The following VWA3B variants were observed in gnomAD, a reference collection of about 807,000 sequenced individuals.
The protein encoded by VWA3B is von Willebrand factor A domain containing 3B.
In VWA3B, 138 loss-of-function variants were observed where a neutral mutation model predicts 158.3. The ratio of observed to expected loss-of-function variants is 0.87; its 90% CI spans 0.76 to 1.00. VWA3B has a LOEUF of 1.00. VWA3B is among the 50% of genes least tolerant of loss of function. The pLI is 0.00. For synonymous variants in VWA3B, 596 were observed against 587.3 expected (o/e 1.01, Z -0.21); for missense variants, 1,555 against 1,565.1 (o/e 0.99, Z 0.11).
intron 1 of VWA3B, 77 bp from the exon 2 acceptor site, chr2:98,092,984 A>T (rs1337591465): frequency 2.0e-6 from 2 of 997,624 alleles, no homozygotes; most frequent in African/African-American, 3.3e-5. Context: ...ACTATAATTT[A>T]TGTTAAGCCA....
chr2:98,183,189 CTT>C (rs1244544813), intron 9 of VWA3B, among the ~76,000 whole-genome samples: 10,599 of 124,406 alleles, frequency 0.085, 502 homozygotes, highest in East Asian at 0.2. Context: ...GTACAGCTCC[CTT>C]TTTTTTTTTT....
chr2:98,237,641 A>G (rs1232051824), intron 19 of VWA3B, among the ~76,000 whole-genome samples: 2 of 152,244 alleles, frequency 1.3e-5, no homozygotes, highest in African/African-American at 4.8e-5. Flanking sequence ...GAACGGCATT[A>G]CTGCAGTGGG....
At chr2:98,136,563 G>A (rs1028737094) in intron 7 of VWA3B, among the ~76,000 whole-genome samples, 21 of 151,246 alleles carry the variant, frequency 1.4e-4, no homozygotes, top group Non-Finnish European at 2.7e-4. Flanking sequence ...TGGGAGGGGA[G>A]GAATGCTGCA....
At chr2:98,106,431 T>C (rs574293557) in intron 2 of VWA3B, among the ~76,000 whole-genome samples, 7 of 152,214 alleles carry the variant, frequency 4.6e-5, no homozygotes, top group Non-Finnish European at 8.8e-5. Context: ...ATAATATTGA[T>C]AGGAGTTGCA....
At chr2:98,148,707 A>G (rs971774264) in intron 7 of VWA3B, among the ~76,000 whole-genome samples, 1 of 152,178 alleles carries the variant, frequency 6.6e-6, no homozygotes, top group Non-Finnish European at 1.5e-5. Context: ...ATATGTAACA[A>G]CTGCCTTCAC....
At chr2:98,094,879 C>T (rs1337279249) in intron 2 of VWA3B, among the ~76,000 whole-genome samples, 1 of 152,268 alleles carries the variant, frequency 6.6e-6, no homozygotes, top group African/African-American at 2.4e-5. Flanking sequence ...AAGAGACTGT[C>T]CTTTCCCCAT....
At chr2:98,140,633 G>T (rs1293753204) in intron 7 of VWA3B, among the ~76,000 whole-genome samples, 2 of 152,130 alleles carry the variant, frequency 1.3e-5, no homozygotes, top group African/African-American at 2.4e-5. Context: ...TGCTGGAGAG[G>T]GTAAGGGGCA....
intron 9 of VWA3B, among the ~76,000 whole-genome samples, chr2:98,185,061 T>C (rs1463671944): frequency 6.6e-6 from 1 of 152,166 alleles, no homozygotes; most frequent in Non-Finnish European, 1.5e-5. Flanking sequence ...AGTGACTTCC[T>C]CCCCAACTCC....
intron 2 of VWA3B, among the ~76,000 whole-genome samples, chr2:98,108,853 GAT>G (rs1573781755): frequency 6.6e-6 from 1 of 151,822 alleles, no homozygotes; most frequent in Non-Finnish European, 1.5e-5. Flanking sequence ...CTTGATTATT[GAT>G]ATGTTAGAGC....
chr2:98,169,842 G>A (rs984835882), intron 8 of VWA3B, among the ~76,000 whole-genome samples: 6 of 151,902 alleles, frequency 3.9e-5, no homozygotes, highest in Non-Finnish European at 8.8e-5. Flanking sequence ...GTCCAGGCTG[G>A]GCATGGTGGC....
intron 7 of VWA3B, among the ~76,000 whole-genome samples, chr2:98,147,846 C>T (rs1386575701): frequency 2.0e-5 from 3 of 149,258 alleles, no homozygotes; most frequent in Non-Finnish European, 4.5e-5. Context: ...GCTATCACTC[C>T]CCCCTCCCCC....
At chr2:98,132,015 G>C (rs993661234) in intron 6 of VWA3B, among the ~76,000 whole-genome samples, 3 of 152,106 alleles carry the variant, frequency 2.0e-5, no homozygotes, top group African/African-American at 7.2e-5. Context: ...GTACAGAAGG[G>C]GGCTCCCTCC....
chr2:98,113,226 G>A (rs58831684), intron 2 of VWA3B, among the ~76,000 whole-genome samples: 84 of 151,948 alleles, frequency 5.5e-4, no homozygotes, highest in African/African-American at 1.8e-3. Flanking sequence ...GTTCTATGCT[G>A]GACAATGTGA....
At chr2:98,208,994 T>A (rs1439195255) in intron 12 of VWA3B, among the ~76,000 whole-genome samples, 1 of 152,216 alleles carries the variant, frequency 6.6e-6, no homozygotes, top group Non-Finnish European at 1.5e-5. Context: ...CCCAGATAGA[T>A]GATTCATGGC....
chr2:98,150,603 G>T (rs115928300), intron 7 of VWA3B, among the ~76,000 whole-genome samples: 1 of 152,158 alleles, frequency 6.6e-6, no homozygotes, highest in Non-Finnish European at 1.5e-5. Context: ...CTGTGGCTTG[G>T]TGGTGTCTAA....
chr2:98,225,310 T>C (rs564352016), intron 14 of VWA3B, among the ~76,000 whole-genome samples: 6 of 152,196 alleles, frequency 3.9e-5, no homozygotes, highest in Admixed American at 6.5e-5. Flanking sequence ...CATTAGAAAA[T>C]CTATTAGTAT....
rs145998348 is a variant in VWA3B at position 98,143,703 on chromosome 2, G to A, written c.988+9764G>A. On this transcript the variant is annotated intron_variant, in intron 7 of 27. Coordinates refer to ENST00000477737, the MANE Select transcript of VWA3B (RefSeq NM_144992.5). ...TCACTTATTAGCTGTGTGATTTCAAGGTACTTAGCTTAACTAACTGGAGCT... is the reference window on the plus strand; with the variant it reads ...TCACTTATTAGCTGTGTGATTTCAAAGTACTTAGCTTAACTAACTGGAGCT... Among the ~76,000 whole-genome samples, 687 of 151,482 alleles carry A rather than the reference G, an allele frequency of 4.5e-3. 1 individual carries two copies. Among genetic ancestry groups the A allele is most frequent in the Admixed American group, 9.1e-3 (138 of 15,222 alleles).
In VWA3B at chr2:98,181,070, C is replaced by CT. The variant is rs1558643587; in HGVS notation, c.1170dup (p.Lys391Ter). 3 of 1,614,222 alleles carry CT rather than the reference C, an allele frequency of 1.9e-6. No homozygotes were observed. The highest frequency in any genetic ancestry group is 2.2e-5 in the East Asian group (1 of 44,890). On this transcript the variant is annotated frameshift_variant, in exon 9 of 28. Coordinates refer to ENST00000477737, the MANE Select transcript of VWA3B (RefSeq NM_144992.5). LOFTEE classifies it high-confidence loss of function. ...TCGAATCCAGAAGACACCTGGGACT[C>CT]TAAGACATGGCTGCAGAAATATGGC...
chr2:98,165,564 G>A (rs889506146), intron 8 of VWA3B, among the ~76,000 whole-genome samples: 27 of 152,258 alleles, frequency 1.8e-4, no homozygotes, highest in African/African-American at 5.5e-4. Flanking sequence ...AGGTCAGGCC[G>A]GCTGGGAAAG....
Sources: allele counts gnomAD v4.1 joint callset (sites outside exome capture counted in the v4.1 genomes callset), GRCh38; gene constraint gnomAD v4.1.1; transcripts MANE v1.5; gene names NCBI Gene and HGNC (gene_info 2026-07-23, HGNC 2026-07-21).